Variants in C10orf71 observed in about 807,000 individuals in gnomAD.
The protein encoded by C10orf71 is chromosome 10 open reading frame 71, also known as cardiac-enriched FHL2-interacting protein.
For synonymous variants in C10orf71, 758 were observed against 726.3 expected (o/e 1.04, Z -0.70); for missense variants, 1,869 against 1,804.5 (o/e 1.04, Z -0.65).
At position 49,322,578 on chromosome 10, in the gene C10orf71, G is replaced by T. The variant is rs370127754; in HGVS notation, c.33G>T (p.Ala11=). The change falls in exon 3 of 3, where the codon GCG becomes GCT. Residue 11 remains alanine (A), a synonymous_variant. Coordinates refer to ENST00000374144, the MANE Select transcript of C10orf71 (RefSeq NM_001135196.2). MMQGNKKCTD[A]FSDSSSIGSV... is the part of the protein sequence containing the mutation. ...AAGGAAATAAGAAGTGCACAGACGC[G>T]TTCAGCGACTCCTCCAGCATCGGCA... 6 of 1,611,954 alleles carry T rather than the reference G, an allele frequency of 3.7e-6. No homozygotes were observed. The highest frequency in any genetic ancestry group is 2.2e-5 in the South Asian group (2 of 90,614).
Position 49,327,168 on chromosome 10 carries a change from C to A in C10orf71, c.*315C>A. ...TCCCTTCCTCCCTCTCCTGGCCCAC[C>A]CTGCTCTTCCCTCGCCCTGCAAATT... On this transcript the variant is annotated 3_prime_UTR_variant, in exon 3 of 3. Transcript: ENST00000374144. 2 of 743,158 alleles carry A rather than the reference C, an allele frequency of 2.7e-6. No homozygotes were observed. Among genetic ancestry groups the A allele is most frequent in the South Asian group, 1.8e-5 (1 of 55,902 alleles). The allele number at this position is 743,158 out of a possible 1,614,324, so 46.0% of individuals were successfully genotyped here.
chr10:49,323,648 C>T lies in C10orf71; in HGVS notation c.1103C>T (p.Ser368Leu). Residue 368 changes from serine to leucine, a missense_variant, in exon 3 of 3, where the codon TCA becomes TTA. Ser to Leu is a moderately radical substitution (Grantham distance 145). Transcript: ENST00000374144. ...VFAVEGKAPS[S>L]QPDSQEKPAQ... Reference sequence around the variant, plus strand: ...GCTGTGGAAGGAAAAGCTCCCAGCTCACAACCTGATTCTCAAGAGAAGCCA... The same window carrying T: ...GCTGTGGAAGGAAAAGCTCCCAGCTTACAACCTGATTCTCAAGAGAAGCCA... 6.2e-7 allele frequency: 1 copy of T among 1,608,330 alleles called. No homozygotes were observed. The highest frequency in any genetic ancestry group is 8.5e-7 in the Non-Finnish European group (1 of 1,178,340).
In C10orf71 at chr10:49,326,992, A is replaced by G; in HGVS notation, c.*139A>G. On this transcript the variant is annotated 3_prime_UTR_variant, in exon 3 of 3. Coordinates refer to ENST00000374144, the MANE Select transcript of C10orf71 (RefSeq NM_001135196.2). ...ATCAACACATACTTAGCCTTTTTAG[A>G]TCCATAAAGTCCAGAAGGCAGTAGG... 6.3e-7 allele frequency: 1 copy of G among 1,580,758 alleles called. No homozygotes were observed. Among genetic ancestry groups the G allele is most frequent in the Non-Finnish European group, 8.6e-7 (1 of 1,165,300 alleles).
chr10:49,316,286 T>G (rs1214586634), intron 2 of C10orf71, 39 bp downstream of exon 2: 1 of 151,972 alleles, frequency 6.6e-6, no homozygotes, highest in Non-Finnish European at 1.5e-5. Context: ...TAGAAACACC[T>G]TCTGTTTTTG....
intron 1 of C10orf71, among the ~76,000 whole-genome samples, chr10:49,311,740 G>A (rs1272486211): frequency 6.6e-6 from 1 of 152,200 alleles, no homozygotes; most frequent in Admixed American, 6.5e-5. Context: ...CCAGGAAGAG[G>A]GACTATTACT....
rs773106985 is a variant in C10orf71 at position 49,323,944 on chromosome 10, C to T, written c.1399C>T (p.Arg467Ter). 15 of 1,613,634 alleles carry T rather than the reference C, an allele frequency of 9.3e-6. No homozygotes were observed. Among genetic ancestry groups the T allele is most frequent in the Non-Finnish European group, 1.2e-5 (14 of 1,179,832 alleles). Reference sequence around the variant, plus strand: ...TTCAGCAGACAGCCAGCCAGCAGAGCGAACCCCATCACCCCCAGGACAGCT... The same window carrying T: ...TTCAGCAGACAGCCAGCCAGCAGAGTGAACCCCATCACCCCCAGGACAGCT... ...LDSADSQPAE[R>*]TPSPPGQLNG... is the part of the protein sequence containing the mutation. The change falls in exon 3 of 3, where the codon CGA (arginine) becomes TGA (stop). Residue 467 changes from arginine (R) to a stop codon, truncating the protein, a stop_gained. Transcript: ENST00000374144. LOFTEE classifies it low-confidence loss of function (END_TRUNC).
chr10:49,326,924 A>AACACACACACACAACAC lies in C10orf71; in HGVS notation c.*84_*85insACACACACACACACACA. The AACACACACACACAACAC allele has an allele frequency of 9.6e-7, 1 of 1,045,166 alleles. No homozygotes were observed. Among genetic ancestry groups the AACACACACACACAACAC allele is most frequent in the Non-Finnish European group, 1.3e-6 (1 of 792,716 alleles). 64.7% of individuals were successfully genotyped at this position (1,045,166 alleles called of 1,614,324 possible). ...TACTTCCCCCTCCCCCAAAACAAGCAACACACACACACACACACACACACA... is the reference window on the plus strand; with the variant it reads ...TACTTCCCCCTCCCCCAAAACAAGCAACACACACACACAACACACACACACACACACACACACACACA... On this transcript the variant is annotated 3_prime_UTR_variant, in exon 3 of 3. Transcript: ENST00000374144.
chr10:49,318,837 G>A (rs1237824072), intron 2 of C10orf71, among the ~76,000 whole-genome samples: 1 of 152,230 alleles, frequency 6.6e-6, no homozygotes, highest in Non-Finnish European at 1.5e-5. Context: ...ACAGATGAGA[G>A]AGATGCACTG....
In C10orf71 at chr10:49,325,909, G is replaced by A. The variant is rs971001162; in HGVS notation, c.3364G>A (p.Gly1122Ser). Residue 1122 changes from glycine (G) to serine (S), a missense_variant, in exon 3 of 3, where the codon GGC becomes AGC. Physicochemically the swap from Gly to Ser is moderately conservative, Grantham distance 56 (BLOSUM62 0). Transcript: ENST00000374144. ...GACCCACGCCCTCGTGTGGGAGGGC[G>A]GCTCTGACCCCCTACTTGAGCTGTC... The part of the protein sequence containing the change: ...DLTHALVWEG[G>S]SDPLLELSAE... 9.0e-6 allele frequency: 14 copies of A among 1,550,070 alleles called. No individual in the cohort carries two copies. The highest frequency in any genetic ancestry group is 2.0e-5 in the Admixed American group (1 of 50,918).
chr10:49,308,272 G>C (rs941769019), intron 1 of C10orf71, among the ~76,000 whole-genome samples: 1 of 152,240 alleles, frequency 6.6e-6, no homozygotes, highest in African/African-American at 2.4e-5. Context: ...TGTGGTTGTA[G>C]AAGATTCAGA....
intron 1 of C10orf71, among the ~76,000 whole-genome samples, chr10:49,302,522 C>A (rs1185971125): frequency 6.6e-6 from 1 of 152,232 alleles, no homozygotes; most frequent in African/African-American, 2.4e-5. Context: ...GTCTCATTCT[C>A]AACCATCCAG....
chr10:49,318,501 G>A (rs564489969), intron 2 of C10orf71, among the ~76,000 whole-genome samples: 1 of 152,346 alleles, frequency 6.6e-6, no homozygotes, highest in South Asian at 2.1e-4. Context: ...CCTTCCCAGA[G>A]CAGGTCAGTA....
Position 49,325,254 on chromosome 10 carries a change from T to C in C10orf71, c.2709T>C (p.Pro903=), listed in dbSNP as rs560965517. 5.8e-6 allele frequency: 9 copies of C among 1,551,790 alleles called. No homozygotes were observed. In the South Asian group the frequency reaches 9.5e-5, roughly 16 times the overall value. Residue 903 remains proline (P), a synonymous_variant, in exon 3 of 3, where the codon CCT becomes CCC. Transcript: ENST00000374144. ...ELPRPEWGED[P]GFCAPENQDI... is the part of the protein sequence containing the mutation. ...CAAGGCCAGAATGGGGTGAGGATCCTGGGTTTTGTGCCCCCGAAAACCAGG... is the reference window on the plus strand; with the variant it reads ...CAAGGCCAGAATGGGGTGAGGATCCCGGGTTTTGTGCCCCCGAAAACCAGG...
chr10:49,300,767 C>T (rs1194006951), intron 1 of C10orf71, among the ~76,000 whole-genome samples: 1 of 152,158 alleles, frequency 6.6e-6, no homozygotes, highest in Admixed American at 6.5e-5. Context: ...CACATCTGCC[C>T]CTGGGTCTCT....
Position 49,325,518 on chromosome 10 carries a change from C to T in C10orf71, c.2973C>T (p.Asp991=). 13 of 1,550,990 alleles carry T rather than the reference C, an allele frequency of 8.4e-6. 1 individual carries two copies. The highest frequency in any genetic ancestry group is 1.1e-5 in the Non-Finnish European group (13 of 1,146,498). The change falls in exon 3 of 3, where the codon GAC becomes GAT. Residue 991 remains aspartate, a synonymous_variant. Coordinates refer to ENST00000374144, the MANE Select transcript of C10orf71 (RefSeq NM_001135196.2). Reference sequence around the variant, plus strand: ...GCAATTGCAAGAGCGGTTCTGCAGACTCAGGGAAGCTGGCAGCCCCATGGC... The same window carrying T: ...GCAATTGCAAGAGCGGTTCTGCAGATTCAGGGAAGCTGGCAGCCCCATGGC... The part of the protein sequence containing the change: ...VASNCKSGSA[D]SGKLAAPWHI...
chr10:49,320,012 G>A (rs1849068209), intron 2 of C10orf71, among the ~76,000 whole-genome samples: 1 of 152,042 alleles, frequency 6.6e-6, no homozygotes, highest in Non-Finnish European at 1.5e-5. Context: ...TGCTTAATGG[G>A]TAAAGAGTTT....
At chr10:49,319,160 A>G (rs1849048024) in intron 2 of C10orf71, among the ~76,000 whole-genome samples, 1 of 152,150 alleles carries the variant, frequency 6.6e-6, no homozygotes, top group East Asian at 1.9e-4. Context: ...TTGCTATTTT[A>G]TGTAACTTTT....
Position 49,323,983 on chromosome 10 carries a change from G to T in C10orf71, c.1438G>T (p.Glu480Ter). 2 of 1,613,630 alleles carry T rather than the reference G, an allele frequency of 1.2e-6. No homozygotes were observed. The highest frequency in any genetic ancestry group is 1.7e-6 in the Non-Finnish European group (2 of 1,179,736). ...SPPGQLNGYQ[E>*]KEPSECQSRD... is the part of the protein sequence containing the mutation. ...CCCAGGACAGCTAAACGGATACCAA[G>T]AGAAGGAGCCCAGTGAATGTCAGTC... is the stretch of plus-strand genomic sequence containing the variant. The change falls in exon 3 of 3, where the codon GAG becomes TAG. Residue 480 changes from glutamate to a stop codon, truncating the protein, a stop_gained. Transcript: ENST00000374144. LOFTEE classifies it low-confidence loss of function (END_TRUNC).
rs1012546449 is a variant in C10orf71, at chr10:49,325,897, G to A, written c.3352G>A (p.Val1118Met). ...TRREDLTHAL[V>M]WEGGSDPLLE... is the part of the protein sequence containing the mutation. The stretch of plus-strand genomic sequence containing the variant: ...GAGGGAGGACCTGACCCACGCCCTC[G>A]TGTGGGAGGGCGGCTCTGACCCCCT... The change falls in exon 3 of 3, where the codon GTG becomes ATG. Residue 1118 changes from valine (V) to methionine (M), a missense_variant. By Grantham distance (21) the Val-to-Met change is conservative. Transcript: ENST00000374144. 1.5e-5 allele frequency: 23 copies of A among 1,549,828 alleles called. No individual in the cohort carries two copies. The highest frequency in any genetic ancestry group is 2.4e-5 in the East Asian group (1 of 40,866).
Sources: gnomAD v4.1 joint callset for allele counts (sites outside exome capture counted in the v4.1 genomes callset) on GRCh38, gnomAD v4.1.1 for gene constraint, MANE v1.5 for transcripts, NCBI Gene and HGNC (gene_info 2026-07-23, HGNC 2026-07-21) for gene names.